Variants in TRAK1 observed in about 807,000 individuals in gnomAD.
The protein encoded by TRAK1 is trafficking kinesin-binding protein 1.
Under a neutral mutation model 92.1 loss-of-function variants are expected in TRAK1, and 33 were observed. The observed-to-expected ratio is 0.36, with a 90% CI of 0.27 to 0.48. TRAK1 has a LOEUF of 0.48. TRAK1 is among the 20% of genes least tolerant of loss of function. The pLI, the probability that TRAK1 is intolerant of heterozygous loss-of-function variation, is 0.99. For missense variants in TRAK1, 1,123 were observed against 1,257.9 expected (o/e 0.89, Z 1.62); for synonymous variants, 521 against 517.3 (o/e 1.01, Z -0.10).
chr3:42,197,782 T>C (rs1470144886), intron 10 of TRAK1, among the ~76,000 whole-genome samples: 4 of 152,228 alleles, frequency 2.6e-5, no homozygotes, highest in Non-Finnish European at 5.9e-5. Flanking sequence ...CTGACTCCTG[T>C]GGAGTCTCCC....
upstream of TRAK1, among the ~76,000 whole-genome samples, chr3:42,082,458 C>T (rs960460219): frequency 9.2e-5 from 14 of 152,054 alleles, no homozygotes; most frequent in East Asian, 1.4e-3. Context: ...ATTAGCCTAG[C>T]GTAGTGGTGC....
chr3:42,138,876 GGTGTGTGTGTGTGTGTGTGTGT>G (rs60025099), intron 2 of TRAK1, among the ~76,000 whole-genome samples: 7 of 118,772 alleles, frequency 5.9e-5, no homozygotes, highest in Admixed American at 8.5e-5. Context: ...AAGCATAGGG[GGTGTGTGTGTGTGTGTGTGTGT>G]GTGTGTGTGT....
intron 15 of TRAK1, among the ~76,000 whole-genome samples, chr3:42,221,071 CT>C (rs369421571): frequency 0.015 from 1,258 of 85,362 alleles, 5 homozygotes; most frequent in Non-Finnish European, 0.019. Flanking sequence ...AGAGAAGGCT[CT>C]TTTTTTTTTT....
At chr3:42,178,045 T>C (rs1163704882) in intron 3 of TRAK1, among the ~76,000 whole-genome samples, 1 of 152,182 alleles carries the variant, frequency 6.6e-6, no homozygotes, top group Non-Finnish European at 1.5e-5. Context: ...TGAAAATGGT[T>C]AATCACTGAC....
chr3:42,061,871 G>A (rs1703457437), intron 1 of TRAK1, among the ~76,000 whole-genome samples: 1 of 152,172 alleles, frequency 6.6e-6, no homozygotes, highest in African/African-American at 2.4e-5. Flanking sequence ...GGTTATTTTG[G>A]AAACGGATAT....
Position 42,224,047 on chromosome 3 carries a change from CT to C in TRAK1, c.*313del. 7.4e-6 allele frequency: 4 copies of C among 543,170 alleles called. No homozygotes were observed. In the Middle Eastern group the frequency reaches 1.1e-3, roughly 154 times the overall value. 33.6% of individuals were successfully genotyped at this position (543,170 alleles called of 1,614,324 possible). On this transcript the variant is annotated 3_prime_UTR_variant, in exon 16 of 16. Transcript: ENST00000327628. ...CTGGGGGAAGGTGGGGTCCTTTCTT[CT>C]TTCCTTTTGAGAAGCACTGAAACTC... is the stretch of plus-strand genomic sequence containing the variant.
intron 1 of TRAK1, among the ~76,000 whole-genome samples, chr3:42,033,597 A>ATCAATCAG (rs1414719813): frequency 6.6e-6 from 1 of 151,986 alleles, no homozygotes; most frequent in African/African-American, 2.4e-5. Context: ...CAATCAATCA[A>ATCAATCAG]TCAATCAATA....
At chr3:42,093,527 A>C (rs928033799) in intron 1 of TRAK1, among the ~76,000 whole-genome samples, 8 of 151,860 alleles carry the variant, frequency 5.3e-5, no homozygotes, top group Non-Finnish European at 8.8e-5. Flanking sequence ...TTGGGGCCAT[A>C]GTTCTCAAGT....
intron 13 of TRAK1, chr3:42,203,165 C>G: frequency 8.4e-7 from 1 of 1,189,518 alleles, no homozygotes; most frequent in Non-Finnish European, 1.0e-6. Flanking sequence ...GTTTTGGTGT[C>G]GGGGAGAGGT....
intron 1 of TRAK1, among the ~76,000 whole-genome samples, chr3:42,104,538 A>C (rs1018742782): frequency 1.3e-5 from 2 of 152,178 alleles, no homozygotes; most frequent in Non-Finnish European, 2.9e-5. Context: ...CCATCCTGCA[A>C]TATTTGCTAT....
At chr3:42,047,719 A>G (rs7647732) in intron 1 of TRAK1, among the ~76,000 whole-genome samples, 72 of 152,320 alleles carry the variant, frequency 4.7e-4, no homozygotes, top group African/African-American at 1.7e-3. Flanking sequence ...AAAGGTTCCA[A>G]TTATTTAGGA....
chr3:42,021,298 A>G (rs779598134), intron 1 of TRAK1, among the ~76,000 whole-genome samples: 16 of 152,198 alleles, frequency 1.1e-4, no homozygotes, highest in Non-Finnish European at 2.2e-4. Flanking sequence ...CAACCTTTGC[A>G]TCTAGAATAT....
chr3:42,102,857 T>A (rs1174569711), intron 1 of TRAK1, among the ~76,000 whole-genome samples: 1 of 102,100 alleles, frequency 9.8e-6, no homozygotes, highest in Non-Finnish European at 2.2e-5. Flanking sequence ...CCCTCCCCTG[T>A]CTGCCTAGGA....
chr3:42,042,453 C>T (rs1472693228), intron 1 of TRAK1, among the ~76,000 whole-genome samples: 2 of 152,076 alleles, frequency 1.3e-5, no homozygotes, highest in African/African-American at 4.8e-5. Flanking sequence ...TTCACTGTGG[C>T]CTCTGCCTCC....
chr3:42,030,362 TAA>T (rs778274238), intron 1 of TRAK1, among the ~76,000 whole-genome samples: 3 of 130,398 alleles, frequency 2.3e-5, no homozygotes, highest in East Asian at 2.3e-4. Context: ...ACCCTGTCTC[TAA>T]AAAAAAAAAT....
rs1005113209 is a variant in TRAK1 at position 42,135,556 on chromosome 3, A to T, written c.286+9942A>T. Among the ~76,000 whole-genome samples the T allele has an allele frequency of 2.0e-5, 3 of 152,094 alleles. No homozygotes were observed. In the South Asian group the frequency reaches 6.2e-4, roughly 32 times the overall value. On this transcript the variant is annotated intron_variant, in intron 2 of 15. Coordinates refer to ENST00000327628, the MANE Select transcript of TRAK1 (RefSeq NM_001042646.3). ...ATCCTTGGCCACCAAACGAGACCCC[A>T]TCTCTACAAAAAAAGAAAAACAAAA...
intron 2 of TRAK1, among the ~76,000 whole-genome samples, chr3:42,131,938 T>C (rs1697257573): frequency 6.8e-6 from 1 of 146,456 alleles, no homozygotes; most frequent in Non-Finnish European, 1.5e-5. Context: ...TGTGATGGTA[T>C]GCACCTTGTA....
At chr3:42,152,380 A>G (rs1158793627) in intron 2 of TRAK1, among the ~76,000 whole-genome samples, 1 of 152,208 alleles carries the variant, frequency 6.6e-6, no homozygotes, top group African/African-American at 2.4e-5. Flanking sequence ...TACATACTCA[A>G]TGTTTACAGT....
intron 11 of TRAK1, 94 bp downstream of exon 11, chr3:42,199,347 C>T (rs553634866): frequency 8.9e-6 from 11 of 1,233,020 alleles, no homozygotes; most frequent in East Asian, 7.4e-5. Context: ...CTCTGGGTAC[C>T]GACAGTGATT....
Sources: allele counts gnomAD v4.1 joint callset (sites outside exome capture counted in the v4.1 genomes callset), GRCh38; gene constraint gnomAD v4.1.1; transcripts MANE v1.5; gene names NCBI Gene and HGNC (gene_info 2026-07-23, HGNC 2026-07-21).